Variants in ADARB2 observed in about 807,000 individuals in gnomAD.
ADARB2 encodes adenosine deaminase RNA specific B2 (inactive), also known as inactive double-stranded RNA-specific editase B2.
A neutral mutation model predicts 62.2 loss-of-function variants in ADARB2; 25 were observed. The observed-to-expected ratio is 0.40, with a 90% CI of 0.29 to 0.56. ADARB2 has a LOEUF of 0.56. Among genes scored for constraint, ADARB2 ranks in the 20% least tolerant of loss-of-function variants. The probability of loss-of-function intolerance (pLI) is 0.43; values close to 1 mark genes in which losing one functional copy is unlikely to be tolerated. For missense variants in ADARB2, 1,071 were observed against 1,077.4 expected, an observed-to-expected ratio of 0.99 and a Z score of 0.08; for synonymous variants, 572 against 500.8, an observed-to-expected ratio of 1.14 and a Z score of -1.90.
chr10:1,555,069 A>G (rs552495699), intron 1 of ADARB2, among the ~76,000 whole-genome samples: 14 of 152,246 alleles, frequency 9.2e-5, no homozygotes, highest in African/African-American at 3.4e-4. Context: ...TTCTTTTTGT[A>G]TGGCTGCATA....
chr10:1,307,930 TGGGGTGG>T (rs1236733139), intron 3 of ADARB2, among the ~76,000 whole-genome samples: 1 of 92,302 alleles, frequency 1.1e-5, no homozygotes, highest in Non-Finnish European at 2.0e-5. Flanking sequence ...GGGACTGTCG[TGGGGTGG>T]GGGGAGGGGG....
chr10:1,251,317 C>T (rs1050697461), intron 4 of ADARB2, among the ~76,000 whole-genome samples: 11 of 152,140 alleles, frequency 7.2e-5, no homozygotes, highest in African/African-American at 9.7e-5. Context: ...GTAAAAGAAG[C>T]TGATCTGAAA....
At chr10:1,732,619 T>C (rs573639016) in intron 1 of ADARB2, among the ~76,000 whole-genome samples, 52 of 152,308 alleles carry the variant, frequency 3.4e-4, no homozygotes, top group Non-Finnish European at 4.4e-5. Flanking sequence ...TATCAGTAAA[T>C]CCAGCCCTTC....
chr10:1,199,374 CG>C (rs1836953340), intron 8 of ADARB2: 1 of 152,356 alleles, frequency 6.6e-6, no homozygotes, highest in Admixed American at 6.5e-5. Flanking sequence ...CCAGGCAGCC[CG>C]GGCAGGCCCC....
Position 1,378,276 on chromosome 10 carries a change from CTTTCCAG to C in ADARB2, c.187+791_187+797del, listed in dbSNP as rs201012379. Among the ~76,000 whole-genome samples, 59 of 152,288 alleles carry C rather than the reference CTTTCCAG, an allele frequency of 3.9e-4. No homozygotes were observed. The East Asian group carries it at 0.011, about 28-fold the overall frequency. On this transcript the variant is annotated intron_variant, in intron 2 of 9. Coordinates refer to ENST00000381312, the MANE Select transcript of ADARB2 (RefSeq NM_018702.4). ...CCATCCTGAGGACACTGCTTGGCCC[CTTTCCAG>C]TTTCATGTGCCAGAAATATTTGCAC... is the stretch of plus-strand genomic sequence containing the variant.
At chr10:1,234,425 T>G (rs955813411) in intron 5 of ADARB2, among the ~76,000 whole-genome samples, 3 of 152,222 alleles carry the variant, frequency 2.0e-5, no homozygotes, top group Non-Finnish European at 2.9e-5. Flanking sequence ...CCTTGACATT[T>G]ACCTGTCAGG....
chr10:1,293,302 GAAGA>G (rs1831493888), intron 3 of ADARB2, among the ~76,000 whole-genome samples: 3 of 111,098 alleles, frequency 2.7e-5, no homozygotes, highest in South Asian at 4.4e-4. Context: ...AGAGAAGGGG[GAAGA>G]GAGAGGGGAG....
intron 3 of ADARB2, among the ~76,000 whole-genome samples, chr10:1,359,658 G>A (rs576401215): frequency 6.6e-6 from 1 of 152,272 alleles, no homozygotes; most frequent in Admixed American, 6.5e-5. Flanking sequence ...GCAGGTCTCC[G>A]AGGGCCTTTG....
At position 1,692,982 on chromosome 10, in the gene ADARB2, C is replaced by G. The variant is rs148608886; in HGVS notation, c.100+44069G>C. ...ATGCAGCCTCTAACCTATACTGGAC[C>G]TCCCCACCCTCCAGGTGCTAGTCCT... On this transcript the variant is annotated intron_variant, in intron 1 of 9. Coordinates refer to ENST00000381312, the MANE Select transcript of ADARB2 (RefSeq NM_018702.4). Among the ~76,000 whole-genome samples the G allele has an allele frequency of 1.5e-3, 230 of 152,280 alleles. 1 individual carries two copies. The highest frequency in any genetic ancestry group is 5.3e-3 in the African/African-American group (221 of 41,558).
intron 2 of ADARB2, among the ~76,000 whole-genome samples, chr10:1,368,321 G>A (rs1023244020): frequency 2.6e-5 from 4 of 152,240 alleles, no homozygotes; most frequent in South Asian, 2.1e-4. Context: ...AGTGAGAGTC[G>A]GCCGTGAGGG....
At chr10:1,561,970 C>A (rs1014617504) in intron 1 of ADARB2, among the ~76,000 whole-genome samples, 2 of 152,244 alleles carry the variant, frequency 1.3e-5, no homozygotes, top group East Asian at 3.8e-4. Flanking sequence ...TGCTAAAATG[C>A]TTCTGTGAAC....
At chr10:1,685,459 A>G (rs1330250289) in intron 1 of ADARB2, among the ~76,000 whole-genome samples, 1 of 152,178 alleles carries the variant, frequency 6.6e-6, no homozygotes, top group African/African-American at 2.4e-5. Context: ...TCTAAATAAC[A>G]GGCAGGTACC....
At chr10:1,377,278 T>G in intron 2 of ADARB2, among the ~76,000 whole-genome samples, 1 of 136,144 alleles carries the variant, frequency 7.3e-6, no homozygotes, top group African/African-American at 2.9e-5. Context: ...GCCCCTGGGG[T>G]GTGTGTATGT....
intron 7 of ADARB2, among the ~76,000 whole-genome samples, chr10:1,212,660 C>A (rs1020974851): frequency 6.6e-6 from 1 of 152,074 alleles, no homozygotes; most frequent in Non-Finnish European, 1.5e-5. Context: ...CCCACCATGG[C>A]AGACACCCTG....
intron 1 of ADARB2, among the ~76,000 whole-genome samples, chr10:1,732,761 C>A (rs1034435291): frequency 6.6e-6 from 1 of 152,222 alleles, no homozygotes; most frequent in Admixed American, 6.5e-5. Context: ...GCGGAGCCCA[C>A]GGCCGCTCTG....
At chr10:1,536,558 C>A (rs571693680) in intron 1 of ADARB2, among the ~76,000 whole-genome samples, 1 of 152,328 alleles carries the variant, frequency 6.6e-6, no homozygotes, top group African/African-American at 2.4e-5. Flanking sequence ...GCATCTGGCA[C>A]CGGACGGTGG....
intron 1 of ADARB2, among the ~76,000 whole-genome samples, chr10:1,666,149 C>T (rs1253644410): frequency 2.0e-5 from 3 of 152,162 alleles, no homozygotes; most frequent in Non-Finnish European, 4.4e-5. Context: ...TAAAATGCCA[C>T]GAGAGGTGCG....
intron 3 of ADARB2, among the ~76,000 whole-genome samples, chr10:1,300,172 C>G (rs530469885): frequency 6.6e-6 from 1 of 152,384 alleles, no homozygotes; most frequent in South Asian, 2.1e-4. Context: ...ATAGTTGCCT[C>G]TTAAGTAGTC....
At position 1,508,182 on chromosome 10, in the gene ADARB2, G is replaced by A. The variant is rs763349943; in HGVS notation, c.101-129022C>T. On this transcript the variant is annotated intron_variant, in intron 1 of 9. Coordinates refer to ENST00000381312, the MANE Select transcript of ADARB2 (RefSeq NM_018702.4). ...TGTTGGCGTTGGATGAATAGGATGC[G>A]TTTGAGGGCCCCTTGGTGGTTGAGA... is the stretch of plus-strand genomic sequence containing the variant. 4.6e-5 allele frequency among the ~76,000 whole-genome samples: 7 copies of A among 152,108 alleles called. No individual in the cohort carries two copies. In the East Asian group the frequency reaches 7.7e-4, roughly 17 times the overall value.
Sources: gnomAD v4.1 joint callset for allele counts (sites outside exome capture counted in the v4.1 genomes callset) on GRCh38, gnomAD v4.1.1 for gene constraint, MANE v1.5 for transcripts, NCBI Gene and HGNC (gene_info 2026-07-23, HGNC 2026-07-21) for gene names.